Variants in FAXDC2 observed in about 807,000 individuals in gnomAD.
FAXDC2 encodes fatty acid hydroxylase domain containing 2.
In FAXDC2, 41 loss-of-function variants were observed where a neutral mutation model predicts 40.9. That is an observed-to-expected ratio of 1.00 (90% CI 0.78 to 1.30). The LOEUF is 1.30. Among genes scored for constraint, FAXDC2 ranks in the 50% most tolerant of loss-of-function variants. The pLI, the probability that FAXDC2 is intolerant of heterozygous loss-of-function variation, is 0.00. For synonymous variants in FAXDC2, 157 were observed against 149.3 expected (o/e 1.05, Z -0.38); for missense variants, 390 against 408.8 (o/e 0.95, Z 0.40).
chr5:154,834,634 A>G lies in FAXDC2; in HGVS notation c.235T>C (p.Phe79Leu), dbSNP rs1313911237. 1 of 1,611,046 alleles carries G rather than the reference A, an allele frequency of 6.2e-7. No homozygotes were observed. The highest frequency in any genetic ancestry group is 2.2e-5 in the East Asian group (1 of 44,868). Residue 79 changes from phenylalanine (F) to leucine (L), a missense_variant, in exon 4 of 9, where the codon TTC becomes CTC. Phe to Leu is a conservative substitution (Grantham distance 22, BLOSUM62 0). Transcript: ENST00000326080. ...GGTCTGGGAACCTCACCTATAAAGA[A>G]GAGGATCCACTCCTTCCCTTCAAAT... is the stretch of plus-strand genomic sequence containing the variant. ...TTFEGKEWIL[F>L]FIGAIQVPCL... is the part of the protein sequence containing the mutation.
In FAXDC2 at chr5:154,823,330, T is replaced by C. The variant is rs1759934012; in HGVS notation, c.572+57A>G. ...CACCTGGCCTCAGTTTCCTTGTTGA[T>C]CAGTGAGCCCTAGACAGGATGAGGA... On this transcript the variant is annotated intron_variant, in intron 6 of 8. Transcript: ENST00000326080. 7.8e-6 allele frequency: 12 copies of C among 1,529,176 alleles called. No homozygotes were observed. In the South Asian group the frequency reaches 1.2e-4, roughly 16 times the overall value. The allele number at this position is 1,529,176 out of a possible 1,614,324, so 94.7% of individuals were successfully genotyped here. A position where few individuals can be genotyped will look rare whatever the true frequency, so the allele number is the denominator to read the frequency against.
intron 4 of FAXDC2, among the ~76,000 whole-genome samples, chr5:154,831,753 T>G (rs1290680210): frequency 6.6e-6 from 1 of 152,048 alleles, no homozygotes; most frequent in Non-Finnish European, 1.5e-5. Context: ...GTACAAACCT[T>G]CTAGAGGGCA....
chr5:154,822,428 G>T, intron 7 of FAXDC2, 44 bp downstream of exon 7: 1 of 1,420,234 alleles, frequency 7.0e-7, no homozygotes, highest in Non-Finnish European at 9.9e-7. Flanking sequence ...AAGGTGGTTG[G>T]GGCCATCTGC....
At chr5:154,824,638 A>G (rs1263362458) in intron 5 of FAXDC2, 1 of 694,144 alleles carries the variant, frequency 1.4e-6, no homozygotes, top group African/African-American at 1.8e-5. Context: ...ACATCTATCT[A>G]TTCATTTATT....
At position 154,820,398 on chromosome 5, in the gene FAXDC2, T is replaced by G; in HGVS notation, c.920A>C (p.Lys307Thr). 1 of 1,612,612 alleles carries G rather than the reference T, an allele frequency of 6.2e-7. No individual in the cohort carries two copies. Among genetic ancestry groups the G allele is most frequent in the Non-Finnish European group, 8.5e-7 (1 of 1,179,802 alleles). Residue 307 changes from lysine (K) to threonine (T), a missense_variant, in exon 9 of 9, where the codon AAG becomes ACG. Lys to Thr is a moderately conservative substitution (Grantham distance 78). Coordinates refer to ENST00000326080, the MANE Select transcript of FAXDC2 (RefSeq NM_032385.5). ...HGTDTMFKQT[K>T]AYERHVLLLG... is the part of the protein sequence containing the mutation. ...CAGGAGGACATGTCTCTCGTAGGCCTTGGTCTGCTTGAACATGGTGTCAGT... is the reference window on the plus strand; with the variant it reads ...CAGGAGGACATGTCTCTCGTAGGCCGTGGTCTGCTTGAACATGGTGTCAGT...
intron 5 of FAXDC2, among the ~76,000 whole-genome samples, chr5:154,825,719 TG>T (rs1192755173): frequency 1.4e-5 from 2 of 147,090 alleles, no homozygotes; most frequent in African/African-American, 5.1e-5. Context: ...GTAATAGTGA[TG>T]GAAGTGGTGA....
intron 1 of FAXDC2, among the ~76,000 whole-genome samples, chr5:154,844,901 A>G (rs1194208173): frequency 2.6e-5 from 4 of 152,188 alleles, no homozygotes; most frequent in African/African-American, 9.7e-5. Flanking sequence ...TTAGGGGCTG[A>G]TAAGTATGTT....
At position 154,821,299 on chromosome 5, in the gene FAXDC2, A is replaced by C; in HGVS notation, c.806T>G (p.Phe269Cys). The C allele has an allele frequency of 6.2e-7, 1 of 1,611,922 alleles. No homozygotes were observed. The highest frequency in any genetic ancestry group is 8.5e-7 in the Non-Finnish European group (1 of 1,179,008). The change falls in exon 8 of 9, where the codon TTC (phenylalanine) becomes TGC (cysteine). Residue 269 changes from phenylalanine to cysteine, a missense_variant. Coordinates refer to ENST00000326080, the MANE Select transcript of FAXDC2 (RefSeq NM_032385.5). ...TISHCGYHLPFLPSPEFHDYH... is the reference protein window; with the variant it reads ...TISHCGYHLPCLPSPEFHDYH... Reference sequence around the variant, plus strand: ...GTCGTGGAATTCAGGCGAAGGCAGGAAGGGAAGGTGGTAGCCACAGTGGGA... The same window carrying C: ...GTCGTGGAATTCAGGCGAAGGCAGGCAGGGAAGGTGGTAGCCACAGTGGGA...
chr5:154,846,912 G>A (rs994229721), intron 1 of FAXDC2, among the ~76,000 whole-genome samples: 1 of 151,900 alleles, frequency 6.6e-6, no homozygotes. Flanking sequence ...ATACTTTTTA[G>A]TGTGGTTCTG....
intron 5 of FAXDC2, 67 bp from the exon 6 acceptor site, chr5:154,823,659 T>G: frequency 7.6e-7 from 1 of 1,318,886 alleles, no homozygotes; most frequent in Non-Finnish European, 1.1e-6. Context: ...GTGACCTGCT[T>G]ACAGGAGGCC....
In FAXDC2 at chr5:154,828,159, A is replaced by G. The variant is rs187218287; in HGVS notation, c.366+2642T>C. ...CCACCACACCTGGCCTGTTTTATTT[A>G]TTTATTTTTCTTTTTGAGTCAGGAT... is the stretch of plus-strand genomic sequence containing the variant. On this transcript the variant is annotated intron_variant, in intron 5 of 8. Transcript: ENST00000326080. Among the ~76,000 whole-genome samples, 126 of 149,434 alleles carry G rather than the reference A, an allele frequency of 8.4e-4. 1 individual carries two copies. The East Asian group carries it at 0.021, about 25-fold the overall frequency.
chr5:154,838,004 AAG>A (rs1760393519), intron 2 of FAXDC2, 125 bp downstream of exon 2: 2 of 665,268 alleles, frequency 3.0e-6, no homozygotes, highest in Admixed American at 2.8e-5. Flanking sequence ...ACTGAAAATG[AAG>A]ACATTACCAT....
rs553119131 is a variant in FAXDC2, at chr5:154,828,988, C to T, written c.366+1813G>A. 9.3e-5 allele frequency among the ~76,000 whole-genome samples: 14 copies of T among 150,310 alleles called. No homozygotes were observed. In the South Asian group the frequency reaches 1.9e-3, roughly 20 times the overall value. ...AGGCTGGAGTGCAGTGGTGCAATCT[C>T]GGCTCACTGTAACCTCTGCCTCCCA... On this transcript the variant is annotated intron_variant, in intron 5 of 8. Coordinates refer to ENST00000326080, the MANE Select transcript of FAXDC2 (RefSeq NM_032385.5).
Position 154,819,250 on chromosome 5 carries a change from T to G in FAXDC2, c.*1066A>C, listed in dbSNP as rs1274543963. 6.6e-6 allele frequency: 1 copy of G among 152,182 alleles called. No homozygotes were observed. The highest frequency in any genetic ancestry group is 1.5e-5 in the Non-Finnish European group (1 of 68,028). 9.4% of individuals were successfully genotyped at this position (152,182 alleles called of 1,614,324 possible). ...TTGGGAACCACAGGGTTCCTGGCCATGTCTGGCGGCTGAGAGGAGGCCAGG... is the reference window on the plus strand; with the variant it reads ...TTGGGAACCACAGGGTTCCTGGCCAGGTCTGGCGGCTGAGAGGAGGCCAGG... On this transcript the variant is annotated 3_prime_UTR_variant, in exon 9 of 9. Transcript: ENST00000326080.
intron 8 of FAXDC2, 98 bp downstream of exon 8, chr5:154,821,162 C>G: frequency 9.9e-7 from 1 of 1,005,056 alleles, no homozygotes; most frequent in Non-Finnish European, 1.5e-6. Context: ...AACTAGCACT[C>G]ACATGTAAAC....
chr5:154,825,448 G>C (rs1760004497), intron 5 of FAXDC2, among the ~76,000 whole-genome samples: 1 of 151,680 alleles, frequency 6.6e-6, no homozygotes, highest in Non-Finnish European at 1.5e-5. Context: ...CACGAGGTCA[G>C]GAGTTTGAGA....
chr5:154,822,424 G>T, intron 7 of FAXDC2, 48 bp downstream of exon 7: 5 of 1,366,750 alleles, frequency 3.7e-6, no homozygotes, highest in Middle Eastern at 2.3e-4. Context: ...CAGGAAGGTG[G>T]TTGGGGCCAT....
At chr5:154,839,325 CAAAAAAA>C (rs746822715) in intron 1 of FAXDC2, among the ~76,000 whole-genome samples, 1 of 92,782 alleles carries the variant, frequency 1.1e-5, no homozygotes, top group African/African-American at 4.0e-5. Flanking sequence ...GACTCCATCT[CAAAAAAA>C]AAAAAAAAAA....
At chr5:154,822,114 G>C (rs1421884993) in intron 7 of FAXDC2, 1 of 191,020 alleles carries the variant, frequency 5.2e-6, no homozygotes, top group Non-Finnish European at 1.1e-5. Context: ...TGTGGTCTCA[G>C]CTATTTGGAA....
Sources: allele counts gnomAD v4.1 joint callset (sites outside exome capture counted in the v4.1 genomes callset), GRCh38; gene constraint gnomAD v4.1.1; transcripts MANE v1.5; gene names NCBI Gene and HGNC (gene_info 2026-07-23, HGNC 2026-07-21).